The following PON2 variants were observed in gnomAD, a reference collection of about 807,000 sequenced individuals.
PON2 encodes the protein serum paraoxonase/arylesterase 2.
Under a neutral mutation model 36.6 loss-of-function variants are expected in PON2, and 27 were observed. That is an observed-to-expected ratio of 0.74 (90% CI 0.54 to 1.02). The LOEUF (loss-of-function observed/expected upper bound fraction) is 1.02, where lower values mean the gene tolerates loss of function less well. Among genes scored for constraint, PON2 ranks in the 50% least tolerant of loss-of-function variants. The pLI, the probability that PON2 is intolerant of heterozygous loss-of-function variation, is 0.00. For missense variants in PON2, 363 were observed against 421.1 expected (o/e 0.86, Z 1.21); for synonymous variants, 149 against 156.3 (o/e 0.95, Z 0.35).
At chr7:95,428,428 A>C (rs1165420098) in intron 1 of PON2, among the ~76,000 whole-genome samples, 1 of 152,076 alleles carries the variant, frequency 6.6e-6, no homozygotes, top group Non-Finnish European at 1.5e-5. Context: ...CTTTATTTAA[A>C]CCTTTAACTC....
chr7:95,425,896 T>C (rs1159538552), intron 1 of PON2, among the ~76,000 whole-genome samples: 2 of 152,032 alleles, frequency 1.3e-5, no homozygotes, highest in African/African-American at 4.8e-5. Context: ...AATAATGCAT[T>C]AAATGTATTA....
rs367802872 is a variant in PON2 at position 95,405,088 on chromosome 7, A to G, written c.*242T>C. The G allele has an allele frequency of 8.7e-6, 4 of 458,760 alleles. No individual in the cohort carries two copies. Among genetic ancestry groups the G allele is most frequent in the Non-Finnish European group, 1.2e-5 (3 of 250,104 alleles). The allele number at this position is 458,760 out of a possible 1,614,324, so 28.4% of individuals were successfully genotyped here. Reference sequence around the variant, plus strand: ...GTGAGGCTTACTTTGTGCAAAATGTATTCACTTTATTCGAAAGCAGCTTTC... The same window carrying G: ...GTGAGGCTTACTTTGTGCAAAATGTGTTCACTTTATTCGAAAGCAGCTTTC... On this transcript the variant is annotated 3_prime_UTR_variant, in exon 9 of 9. Transcript: ENST00000222572.
intron 2 of PON2, among the ~76,000 whole-genome samples, chr7:95,422,340 G>A (rs1034809): frequency 0.26 from 39,384 of 152,052 alleles, 5,523 homozygotes; most frequent in South Asian, 0.36. Flanking sequence ...ATAAAAAAGG[G>A]AGCTTTATCT....
At chr7:95,420,958 T>C (rs925933396) in intron 2 of PON2, among the ~76,000 whole-genome samples, 2 of 152,000 alleles carry the variant, frequency 1.3e-5, no homozygotes, top group African/African-American at 4.8e-5. Context: ...GTTCATATGG[T>C]GTGTGCTAAC....
intron 2 of PON2, among the ~76,000 whole-genome samples, chr7:95,421,320 A>G (rs1335140530): frequency 1.3e-5 from 2 of 152,218 alleles, no homozygotes; most frequent in Non-Finnish European, 2.9e-5. Context: ...GTTGTGCCCT[A>G]TTGTCTACTC....
intron 3 of PON2, chr7:95,415,378 A>G (rs1342180915): frequency 6.6e-6 from 1 of 152,234 alleles, no homozygotes; most frequent in Non-Finnish European, 1.5e-5. Context: ...GTATACCCAG[A>G]AAGGATATTG....
chr7:95,423,321 C>CAAAAAAAA (rs35269697), intron 2 of PON2, among the ~76,000 whole-genome samples: 1 of 71,148 alleles, frequency 1.4e-5, no homozygotes, highest in African/African-American at 4.5e-5. Context: ...GGCCACCTCT[C>CAAAAAAAA]AAAAAAAAAA....
chr7:95,419,735 C>T (rs993658394), intron 2 of PON2, among the ~76,000 whole-genome samples: 2 of 152,086 alleles, frequency 1.3e-5, no homozygotes, highest in Non-Finnish European at 2.9e-5. Context: ...CTTTCAACCC[C>T]TTCCTGCTGG....
At chr7:95,416,040 G>C (rs1789055101) in intron 3 of PON2, 1 of 872,018 alleles carries the variant, frequency 1.1e-6, no homozygotes, top group Non-Finnish European at 1.7e-6. Flanking sequence ...GGGAAATAAA[G>C]AACACTATCT....
At chr7:95,428,975 G>A (rs1232109124) in intron 1 of PON2, among the ~76,000 whole-genome samples, 1 of 152,000 alleles carries the variant, frequency 6.6e-6, no homozygotes, top group Non-Finnish European at 1.5e-5. Context: ...ATTAGTCCAA[G>A]GTTTCAGGTA....
chr7:95,432,894 G>A, intron 1 of PON2, among the ~76,000 whole-genome samples: 1 of 152,158 alleles, frequency 6.6e-6, no homozygotes, highest in East Asian at 1.9e-4. Context: ...CACAAACTCT[G>A]GTAGCACCTT....
At chr7:95,412,871 CT>C (rs1169145688) in intron 3 of PON2, 3 of 294,036 alleles carry the variant, frequency 1.0e-5, no homozygotes, top group African/African-American at 6.6e-5. Context: ...AAAATATCAC[CT>C]TTATCATGTG....
intron 2 of PON2, 188 bp from the exon 3 acceptor site, chr7:95,416,485 T>A: frequency 3.1e-6 from 2 of 641,312 alleles, no homozygotes; most frequent in Non-Finnish European, 5.4e-6. Context: ...AACTTCTGAC[T>A]TTAAATGTTA....
intron 2 of PON2, among the ~76,000 whole-genome samples, chr7:95,423,135 A>G (rs1789231995): frequency 6.6e-6 from 1 of 151,824 alleles, no homozygotes; most frequent in Non-Finnish European, 1.5e-5. Flanking sequence ...ACCAGCCTGG[A>G]CAACATAACA....
intron 1 of PON2, among the ~76,000 whole-genome samples, chr7:95,433,215 C>G (rs1438862806): frequency 6.6e-6 from 1 of 152,090 alleles, no homozygotes. Context: ...AGGTAGACAC[C>G]ATAGTTTATA....
In PON2 at chr7:95,434,827, C is replaced by T. The variant is rs564798978; in HGVS notation, c.74+51G>A. 1.9e-5 allele frequency: 29 copies of T among 1,521,916 alleles called. No homozygotes were observed. The South Asian group carries it at 3.4e-4, about 18-fold the overall frequency. 94.3% of individuals were successfully genotyped at this position (1,521,916 alleles called of 1,614,324 possible). Reference sequence around the variant, plus strand: ...CTGCGCCCTCCCCGCACCACGCGGCCACCCCGAGCCTGGGGACCGCCGAGG... The same window carrying T: ...CTGCGCCCTCCCCGCACCACGCGGCTACCCCGAGCCTGGGGACCGCCGAGG... On this transcript the variant is annotated intron_variant, in intron 1 of 8. Transcript: ENST00000222572.
intron 5 of PON2, among the ~76,000 whole-genome samples, chr7:95,411,402 T>C (rs989524901): frequency 6.6e-6 from 1 of 152,172 alleles, no homozygotes; most frequent in Non-Finnish European, 1.5e-5. Context: ...GGGCACTTCA[T>C]CATTTCTCAA....
chr7:95,422,807 GTTAT>G (rs2116492122), intron 2 of PON2, among the ~76,000 whole-genome samples: 1 of 152,276 alleles, frequency 6.6e-6, no homozygotes, highest in Admixed American at 6.5e-5. Flanking sequence ...TGACAGTCTA[GTTAT>G]TTCCACACTG....
chr7:95,420,907 T>A (rs965540205), intron 2 of PON2, among the ~76,000 whole-genome samples: 1 of 152,212 alleles, frequency 6.6e-6, no homozygotes, highest in Middle Eastern at 3.2e-3. Context: ...CCAAAAGTTA[T>A]TATTAACCAT....
Sources: gnomAD v4.1 joint callset for allele counts (sites outside exome capture counted in the v4.1 genomes callset) on GRCh38, gnomAD v4.1.1 for gene constraint, MANE v1.5 for transcripts, NCBI Gene and HGNC (gene_info 2026-07-23, HGNC 2026-07-21) for gene names.